The following GTSE1 variants were observed in gnomAD, a reference collection of about 807,000 sequenced individuals.
GTSE1 encodes the protein G2 and S phase-expressed protein 1.
A neutral mutation model predicts 60.5 loss-of-function variants in GTSE1; 52 were observed. The ratio of observed to expected loss-of-function variants is 0.86; its 90% CI spans 0.69 to 1.08. The LOEUF (loss-of-function observed/expected upper bound fraction) is 1.08. Among genes scored for constraint, GTSE1 ranks in the 50% least tolerant of loss-of-function variants. The pLI is 0.00. For missense variants in GTSE1, 937 were observed against 961.8 expected (o/e 0.97, Z 0.34); for synonymous variants, 368 against 386.5 (o/e 0.95, Z 0.56).
Position 46,314,268 on chromosome 22 carries a change from A to AC in GTSE1, c.1051+259dup, listed in dbSNP as rs1235001139. ...CACATGGCCAGAAAGCATGTATGAT[A>AC]CCCCGTGCCTGAGAACATGGACACT... On this transcript the variant is annotated intron_variant, in intron 6 of 11. Transcript: ENST00000454366. The surrounding 1 kb of genome is among the most constrained non-coding windows in gnomAD (Gnocchi z 7.1). Among the ~76,000 whole-genome samples the AC allele has an allele frequency of 1.3e-5, 2 of 152,100 alleles. No homozygotes were observed. The highest frequency in any genetic ancestry group is 1.3e-4 in the Admixed American group (2 of 15,262).
chr22:46,323,878 G>A (rs1310417012), intron 8 of GTSE1, among the ~76,000 whole-genome samples: 1 of 152,006 alleles, frequency 6.6e-6, no homozygotes, highest in Non-Finnish European at 1.5e-5. Flanking sequence ...TTTTTTAGTA[G>A]AGATGGGGTT....
rs779428436 is a variant in GTSE1, at chr22:46,316,221, C to T, written c.1241C>T (p.Pro414Leu). The T allele has an allele frequency of 1.2e-6, 2 of 1,613,832 alleles. No homozygotes were observed. The change falls in exon 7 of 12, where the codon CCC becomes CTC. Residue 414 changes from proline (P) to leucine (L), a missense_variant. Physicochemically the swap from Pro to Leu is moderately conservative, Grantham distance 98. Transcript: ENST00000454366. The surrounding 1 kb of genome is among the most constrained non-coding windows in gnomAD (Gnocchi z 5.0). ...ELAAEQLTAP[P>L]SASPTQPQTP... is the part of the protein sequence containing the mutation. ...GCAGCGGAGCAGCTCACGGCACCCC[C>T]CTCAGCATCCCCCACCCAACCCCAG...
rs747735330 is a variant in GTSE1 at position 46,308,750 on chromosome 22, T to TGCCCA, written c.572_576dup (p.Ser193ProfsTer122). ...CGGCTCTTGGCCTCCTCCCCGGCCC[T>TGCCCA]GCCCAGCTCTGGTGCCCAGGCCCGC... is the stretch of plus-strand genomic sequence containing the variant. On this transcript the variant is annotated frameshift_variant, in exon 4 of 12. Coordinates refer to ENST00000454366, the MANE Select transcript of GTSE1 (RefSeq NM_016426.7). LOFTEE classifies it high-confidence loss of function. 13 of 1,613,072 alleles carry TGCCCA rather than the reference T, an allele frequency of 8.1e-6. No individual in the cohort carries two copies. The highest frequency in any genetic ancestry group is 8.5e-7 in the Non-Finnish European group (1 of 1,180,020).
Position 46,309,092 on chromosome 22 carries a change from C to T in GTSE1, c.762+149C>T. On this transcript the variant is annotated intron_variant, in intron 4 of 11. Transcript: ENST00000454366. This position sits in a 1 kb window ranked among gnomAD's most constrained non-coding sequence, Gnocchi z 6.2. ...ATGCGGAGTCCAGGAAAAGCAGTTGCCAATAGGGAGCTGATGTGGGGGTGG... is the reference window on the plus strand; with the variant it reads ...ATGCGGAGTCCAGGAAAAGCAGTTGTCAATAGGGAGCTGATGTGGGGGTGG... The T allele has an allele frequency of 1.2e-6, 1 of 867,416 alleles. No individual in the cohort carries two copies. Among genetic ancestry groups the T allele is most frequent in the South Asian group, 1.9e-5 (1 of 52,974 alleles). 53.7% of individuals were successfully genotyped at this position (867,416 alleles called of 1,614,324 possible). A position where few individuals can be genotyped will look rare whatever the true frequency, so the allele number is the denominator to read the frequency against.
Position 46,310,941 on chromosome 22 carries a change from G to A in GTSE1, c.763-1200G>A, listed in dbSNP as rs898408233. 3.9e-5 allele frequency among the ~76,000 whole-genome samples: 6 copies of A among 152,126 alleles called. No homozygotes were observed. Among genetic ancestry groups the A allele is most frequent in the East Asian group, 1.9e-4 (1 of 5,196 alleles). Reference sequence around the variant, plus strand: ...AGGCCATAACAAAAGGTCCCATGTCGTATGGTTCCATTTATATGAAATGAC... The same window carrying A: ...AGGCCATAACAAAAGGTCCCATGTCATATGGTTCCATTTATATGAAATGAC... On this transcript the variant is annotated intron_variant, in intron 4 of 11. Coordinates refer to ENST00000454366, the MANE Select transcript of GTSE1 (RefSeq NM_016426.7). The surrounding 1 kb of genome is among the most constrained non-coding windows in gnomAD (Gnocchi z 4.4).
chr22:46,328,716 A>G lies in GTSE1; in HGVS notation c.1753A>G (p.Lys585Glu), dbSNP rs371952416. The change falls in exon 10 of 12, where the codon AAG (lysine) becomes GAG (glutamate). Residue 585 changes from lysine to glutamate, a missense_variant. Lys to Glu is a moderately conservative substitution (Grantham distance 56). Transcript: ENST00000454366. ...TGAACCAACAAGGGAGAGCAACAGA[A>G]AGACAGATTCCAGGCTGGTGGATGT... ...RTEPTRESNR[K>E]TDSRLVDVSP... 8.7e-6 allele frequency: 14 copies of G among 1,613,934 alleles called. No homozygotes were observed. In the African/African-American group the frequency reaches 1.9e-4, roughly 22 times the overall value.
In GTSE1 at chr22:46,308,411, A is replaced by G; in HGVS notation, c.230A>G (p.Glu77Gly). 3.7e-6 allele frequency: 6 copies of G among 1,614,202 alleles called. No individual in the cohort carries two copies. The highest frequency in any genetic ancestry group is 5.1e-6 in the Non-Finnish European group (6 of 1,180,042). ...TTGGAATTAAATAATCCGGTTCCCG[A>G]ACAGCCTCCGTTGCCCACATCTGAG... ...ASLELNNPVP[E>G]QPPLPTSESP... Residue 77 changes from glutamate to glycine, a missense_variant, in exon 4 of 12, where the codon GAA becomes GGA. Transcript: ENST00000454366.
chr22:46,305,412 AT>A (rs918511889), intron 2 of GTSE1, among the ~76,000 whole-genome samples: 33 of 152,090 alleles, frequency 2.2e-4, no homozygotes, highest in African/African-American at 7.7e-4. Context: ...GATCGAGACC[AT>A]CCTGGCTAAC....
rs1311586740 is a variant in GTSE1 at position 46,326,608 on chromosome 22, C to T, written c.1678C>T (p.Pro560Ser). ...GGCCGTGGGCTCTCCCCTGTGTGTG[C>T]CAGCTCGGAGACGTTCCTCTGAGCC... ...PRAVGSPLCV[P>S]ARRRSSEPRK... Residue 560 changes from proline (P) to serine (S), a missense_variant, in exon 9 of 12, where the codon CCA (proline) becomes TCA (serine). By Grantham distance (74) the Pro-to-Ser change is moderately conservative. Coordinates refer to ENST00000454366, the MANE Select transcript of GTSE1 (RefSeq NM_016426.7). The T allele has an allele frequency of 6.2e-7, 1 of 1,613,198 alleles. No individual in the cohort carries two copies. Among genetic ancestry groups the T allele is most frequent in the Non-Finnish European group, 8.5e-7 (1 of 1,179,612 alleles).
At chr22:46,315,691 G>GACATC (rs2077774950) in intron 6 of GTSE1, among the ~76,000 whole-genome samples, 1 of 152,188 alleles carries the variant, frequency 6.6e-6, no homozygotes, top group Non-Finnish European at 1.5e-5. Flanking sequence ...TCTGTGACCA[G>GACATC]ACAGGTGAGA....
chr22:46,303,111 A>G (rs2077698364), intron 2 of GTSE1, among the ~76,000 whole-genome samples: 1 of 151,572 alleles, frequency 6.6e-6, no homozygotes, highest in African/African-American at 2.4e-5. Context: ...CGTGTTAGCC[A>G]GGATGGTCTC....
chr22:46,317,835 G>T lies in GTSE1; in HGVS notation c.1432+1423G>T, dbSNP rs1337922959. ...GCTGCTGCAAGATGACACCTTCTCGGCCCTGTGAGCTCCGCTCGTTGCTCC... is the reference window on the plus strand; with the variant it reads ...GCTGCTGCAAGATGACACCTTCTCGTCCCTGTGAGCTCCGCTCGTTGCTCC... On this transcript the variant is annotated intron_variant, in intron 7 of 11. Coordinates refer to ENST00000454366, the MANE Select transcript of GTSE1 (RefSeq NM_016426.7). The surrounding 1 kb of genome is among the most constrained non-coding windows in gnomAD (Gnocchi z 5.6). Among the ~76,000 whole-genome samples, 4 of 152,052 alleles carry T rather than the reference G, an allele frequency of 2.6e-5. No homozygotes were observed. The highest frequency in any genetic ancestry group is 9.7e-5 in the African/African-American group (4 of 41,442).
At chr22:46,311,058 GGTT>G (rs1256033312) in intron 4 of GTSE1, among the ~76,000 whole-genome samples, 1 of 146,790 alleles carries the variant, frequency 6.8e-6, no homozygotes, top group East Asian at 1.9e-4. Context: ...AATGGGTACA[GGTT>G]GTTTTTTTTT....
At position 46,297,936 on chromosome 22, in the gene GTSE1, C is replaced by T. The variant is rs572534116; in HGVS notation, c.79+457C>T. ...CACAGAATGAGTTACAGGCCACACC[C>T]TCTTTTTCTCTCAAAGCGTTTTTAT... On this transcript the variant is annotated intron_variant, in intron 2 of 11. Transcript: ENST00000454366. The surrounding 1 kb of genome is among the most constrained non-coding windows in gnomAD (Gnocchi z 4.9). 1.1e-3 allele frequency among the ~76,000 whole-genome samples: 165 copies of T among 152,214 alleles called. 1 individual carries two copies. Among genetic ancestry groups the T allele is most frequent in the African/African-American group, 3.9e-3 (161 of 41,502 alleles).
At position 46,318,167 on chromosome 22, in the gene GTSE1, A is replaced by C. The variant is rs1289503277; in HGVS notation, c.1432+1755A>C. Among the ~76,000 whole-genome samples the C allele has an allele frequency of 1.3e-5, 2 of 152,240 alleles. No individual in the cohort carries two copies. Among genetic ancestry groups the C allele is most frequent in the African/African-American group, 4.8e-5 (2 of 41,460 alleles). ...GTGGGTGGGTGTTTGTAAAGTTTTC[A>C]TGAATTTCTTGAACAATTGTGTGCA... On this transcript the variant is annotated intron_variant, in intron 7 of 11. Coordinates refer to ENST00000454366, the MANE Select transcript of GTSE1 (RefSeq NM_016426.7). This position sits in a 1 kb window ranked among gnomAD's most constrained non-coding sequence, Gnocchi z 4.8.
chr22:46,299,314 G>A (rs896315707), intron 2 of GTSE1, among the ~76,000 whole-genome samples: 2 of 152,240 alleles, frequency 1.3e-5, no homozygotes, highest in East Asian at 1.9e-4. Flanking sequence ...GCTGTGCAGC[G>A]TATCTGCTCT....
chr22:46,329,396 C>T lies in GTSE1; in HGVS notation c.1965C>T (p.Val655=). The stretch of plus-strand genomic sequence containing the variant: ...ATATCAAACTGGAACCACTCGCGGT[C>T]ACTCCAGATGCTGCAAGCCAGCCCC... ...LVDIKLEPLA[V]TPDAASQPLI... Residue 655 remains valine (V), a synonymous_variant, in exon 11 of 12, where the codon GTC becomes GTT. Coordinates refer to ENST00000454366, the MANE Select transcript of GTSE1 (RefSeq NM_016426.7). The surrounding 1 kb of genome is among the most constrained non-coding windows in gnomAD (Gnocchi z 6.4). The T allele has an allele frequency of 6.2e-7, 1 of 1,614,180 alleles. No individual in the cohort carries two copies. The highest frequency in any genetic ancestry group is 2.2e-5 in the East Asian group (1 of 44,882).
chr22:46,302,552 A>G (rs2077695130), intron 2 of GTSE1, among the ~76,000 whole-genome samples: 1 of 151,964 alleles, frequency 6.6e-6, no homozygotes, highest in African/African-American at 2.4e-5. Context: ...TGTACAGACA[A>G]GGTCTCCCTA....
In GTSE1 at chr22:46,317,555, T is replaced by G. The variant is rs2077788613; in HGVS notation, c.1432+1143T>G. 6.6e-6 allele frequency among the ~76,000 whole-genome samples: 1 copy of G among 152,216 alleles called. No homozygotes were observed. Among genetic ancestry groups the G allele is most frequent in the Non-Finnish European group, 1.5e-5 (1 of 68,030 alleles). ...TTGGCCTCATTTTCCTGCCTCTACA[T>G]TTTTCACAAGTTTTTCTTGGTTGTT... is the stretch of plus-strand genomic sequence containing the variant. On this transcript the variant is annotated intron_variant, in intron 7 of 11. Coordinates refer to ENST00000454366, the MANE Select transcript of GTSE1 (RefSeq NM_016426.7). The surrounding 1 kb of genome is among the most constrained non-coding windows in gnomAD (Gnocchi z 5.6).
Sources: gnomAD v4.1 joint callset for allele counts (sites outside exome capture counted in the v4.1 genomes callset) on GRCh38, gnomAD v4.1.1 for gene constraint, Gnocchi (gnomAD v3.1) non-coding constraint, MANE v1.5 for transcripts, NCBI Gene and HGNC (gene_info 2026-07-23, HGNC 2026-07-21) for gene names.